Variants in TRPM3 observed in about 807,000 individuals in gnomAD.
TRPM3 encodes long transient receptor potential channel 3.
In TRPM3, 77 loss-of-function variants were observed where a neutral mutation model predicts 181.2. That is an observed-to-expected ratio of 0.42 (90% CI 0.35 to 0.51). The LOEUF (loss-of-function observed/expected upper bound fraction) is 0.51, where lower values mean the gene tolerates loss of function less well. Ranked by LOEUF, TRPM3 falls within the 20% of genes least tolerant of loss-of-function variation. The pLI, the probability that TRPM3 is intolerant of heterozygous loss-of-function variation, is 0.01. For synonymous variants in TRPM3, 745 were observed against 796.4 expected (o/e 0.94, Z 1.09); for missense variants, 1,759 against 2,196.7 (o/e 0.80, Z 3.98).
At chr9:71,061,947 G>A (rs2061382579) in intron 1 of TRPM3, among the ~76,000 whole-genome samples, 1 of 151,870 alleles carries the variant, frequency 6.6e-6, no homozygotes, top group South Asian at 2.1e-4. Context: ...TGACCCCAAT[G>A]ACCTAAAAGC....
chr9:71,276,187 C>T (rs1040572035), intron 1 of TRPM3, among the ~76,000 whole-genome samples: 2 of 152,132 alleles, frequency 1.3e-5, no homozygotes, highest in African/African-American at 4.8e-5. Context: ...CAACTGACTA[C>T]ATACGTGGCA....
intron 9 of TRPM3, among the ~76,000 whole-genome samples, chr9:70,673,594 G>T (rs2134113268): frequency 6.6e-6 from 1 of 152,112 alleles, no homozygotes; most frequent in Admixed American, 6.5e-5. Context: ...TTTGTAGATT[G>T]CTTTTGCACA....
rs537555929 is a variant in TRPM3, at chr9:70,533,798, C to T, written c.*2155G>A. On this transcript the variant is annotated 3_prime_UTR_variant, in exon 26 of 26. Coordinates refer to ENST00000677713, the MANE Select transcript of TRPM3 (RefSeq NM_001366145.2). ...GGAGTCTGGGTGTTTGTTAGCAATT[C>T]ACCTAAATGCCAAGGAGTGAAAAAG... 2.8e-4 allele frequency: 42 copies of T among 152,288 alleles called. No individual in the cohort carries two copies. Among genetic ancestry groups the T allele is most frequent in the African/African-American group, 9.4e-4 (39 of 41,566 alleles). 9.4% of individuals were successfully genotyped at this position (152,288 alleles called of 1,614,324 possible).
At chr9:70,697,212 T>C (rs2070815731) in intron 8 of TRPM3, among the ~76,000 whole-genome samples, 1 of 152,198 alleles carries the variant, frequency 6.6e-6, no homozygotes, top group Non-Finnish European at 1.5e-5. Context: ...CATTTTCTGA[T>C]CTGACAATGG....
At chr9:71,065,261 T>G (rs1157836166) in intron 1 of TRPM3, among the ~76,000 whole-genome samples, 2 of 152,292 alleles carry the variant, frequency 1.3e-5, no homozygotes, top group East Asian at 3.9e-4. Context: ...CAAGTAAAGA[T>G]GAATTTTCAC....
intron 6 of TRPM3, among the ~76,000 whole-genome samples, chr9:70,794,809 A>C (rs1308847481): frequency 6.6e-6 from 1 of 152,124 alleles, no homozygotes; most frequent in Non-Finnish European, 1.5e-5. Flanking sequence ...AACGACATAT[A>C]AGCTGGAGCC....
intron 1 of TRPM3, among the ~76,000 whole-genome samples, chr9:71,303,014 G>A (rs1046640454): frequency 2.0e-5 from 3 of 152,024 alleles, no homozygotes; most frequent in African/African-American, 7.2e-5. Context: ...CAGACTCTAG[G>A]GACACTAGCA....
At chr9:71,049,854 C>G in intron 1 of TRPM3, among the ~76,000 whole-genome samples, 1 of 152,232 alleles carries the variant, frequency 6.6e-6, no homozygotes, top group Non-Finnish European at 1.5e-5. Context: ...CCCTTACTTT[C>G]GGAGGCTCAG....
chr9:70,601,013 C>T (rs545669653), intron 20 of TRPM3, among the ~76,000 whole-genome samples: 2 of 152,170 alleles, frequency 1.3e-5, no homozygotes, highest in Non-Finnish European at 2.9e-5. Flanking sequence ...CCTCAGGCAC[C>T]TGTCTTAGAA....
chr9:70,548,997 T>C (rs2045797970), intron 25 of TRPM3, among the ~76,000 whole-genome samples: 1 of 152,220 alleles, frequency 6.6e-6, no homozygotes, highest in Non-Finnish European at 1.5e-5. Context: ...TTATTATTTT[T>C]TTTTGCTTTC....
intron 1 of TRPM3, among the ~76,000 whole-genome samples, chr9:71,440,877 C>T (rs2131670079): frequency 6.6e-6 from 1 of 152,194 alleles, no homozygotes; most frequent in Non-Finnish European, 1.5e-5. Context: ...GCTGGTCTAA[C>T]AAAATGAAAG....
chr9:71,096,707 G>A (rs1314300262), intron 1 of TRPM3, among the ~76,000 whole-genome samples: 3 of 151,042 alleles, frequency 2.0e-5, no homozygotes, highest in African/African-American at 7.3e-5. Flanking sequence ...ATTTACCTGG[G>A]GTGTTGCAAT....
intron 1 of TRPM3, among the ~76,000 whole-genome samples, chr9:71,397,022 T>C (rs2093217548): frequency 6.6e-6 from 1 of 151,916 alleles, no homozygotes; most frequent in African/African-American, 2.4e-5. Flanking sequence ...ATGCACCAGC[T>C]TTTCTTCCCC....
chr9:70,697,030 C>T (rs199709741), intron 8 of TRPM3, among the ~76,000 whole-genome samples: 2 of 152,180 alleles, frequency 1.3e-5, no homozygotes, highest in East Asian at 3.9e-4. Context: ...TTCCTCATGG[C>T]ATTTTTCTAG....
At chr9:70,788,664 T>G (rs761065792) in intron 6 of TRPM3, among the ~76,000 whole-genome samples, 31 of 152,132 alleles carry the variant, frequency 2.0e-4, no homozygotes, top group Non-Finnish European at 3.8e-4. Context: ...TAATATATAA[T>G]AAAATAATTA....
intron 1 of TRPM3, among the ~76,000 whole-genome samples, chr9:71,201,578 T>A (rs1266336460): frequency 5.9e-5 from 9 of 152,184 alleles, no homozygotes; most frequent in Non-Finnish European, 1.3e-4. Context: ...CGTTTCTTTT[T>A]ATTCTTTTTT....
chr9:70,659,882 T>C (rs1351276411), intron 9 of TRPM3, among the ~76,000 whole-genome samples: 2 of 152,222 alleles, frequency 1.3e-5, no homozygotes, highest in Non-Finnish European at 2.9e-5. Flanking sequence ...TTTACATACA[T>C]AAGCCACTTT....
At chr9:71,360,953 C>T (rs2092117929) in intron 1 of TRPM3, among the ~76,000 whole-genome samples, 1 of 152,124 alleles carries the variant, frequency 6.6e-6, no homozygotes, top group Non-Finnish European at 1.5e-5. Flanking sequence ...TTATTCTCTC[C>T]TTTTGTGTAT....
Position 70,864,525 on chromosome 9 carries a change from C to CAAAAAA in TRPM3, c.178-20_178-15dup, listed in dbSNP as rs71367234. ...GGATTTCTGAGCCTGAAAAAGAAAA[C>CAAAAAA]AAAAAAAAAAAAAAAAGAAAAAAGA... is the stretch of plus-strand genomic sequence containing the variant. On this transcript the variant is annotated splice_polypyrimidine_tract_variant and intron_variant, in intron 1 of 25. Coordinates refer to ENST00000677713, the MANE Select transcript of TRPM3 (RefSeq NM_001366145.2). 8.0e-3 allele frequency: 7,150 copies of CAAAAAA among 894,968 alleles called. 39 individuals are homozygous for CAAAAAA. The highest frequency in any genetic ancestry group is 0.015 in the Middle Eastern group (38 of 2,488). 55.4% of individuals were successfully genotyped at this position (894,968 alleles called of 1,614,324 possible). A position where few individuals can be genotyped will look rare whatever the true frequency, so the allele number is the denominator to read the frequency against.
Sources: allele counts gnomAD v4.1 joint callset (sites outside exome capture counted in the v4.1 genomes callset), GRCh38; gene constraint gnomAD v4.1.1; transcripts MANE v1.5; gene names NCBI Gene and HGNC (gene_info 2026-07-23, HGNC 2026-07-21).